The following PCDH15 variants were observed in gnomAD, a reference collection of about 807,000 sequenced individuals.
The protein encoded by PCDH15 is protocadherin-15.
PCDH15 carries 129 observed loss-of-function variants against 178.5 expected under a neutral mutation model. The ratio of observed to expected loss-of-function variants is 0.72; its 90% CI spans 0.63 to 0.84. The LOEUF is 0.84. PCDH15 is among the 40% of genes least tolerant of loss of function. The pLI is 0.00. For synonymous variants in PCDH15, 800 were observed against 732.0 expected (o/e 1.09, Z -1.50); for missense variants, 2,230 against 2,099.9 (o/e 1.06, Z -1.21).
At chr10:54,698,975 C>T (rs2095271783) in intron 1 of PCDH15, among the ~76,000 whole-genome samples, 1 of 152,062 alleles carries the variant, frequency 6.6e-6, no homozygotes, top group Admixed American at 6.6e-5. Context: ...TTGTCTTTCA[C>T]ATTTAAAAGG....
At chr10:55,445,754 T>C (rs1265320703) in intron 2 of PCDH15, among the ~76,000 whole-genome samples, 3 of 152,128 alleles carry the variant, frequency 2.0e-5, no homozygotes, top group African/African-American at 4.8e-5. Flanking sequence ...GCATCAGATG[T>C]AGGTAGGTGA....
chr10:53,856,304 T>C (rs1190599339), intron 28 of PCDH15, among the ~76,000 whole-genome samples: 1 of 151,970 alleles, frequency 6.6e-6, no homozygotes, highest in Non-Finnish European at 1.5e-5. Context: ...ATAGTAAAGA[T>C]ATTTTAAACA....
intron 8 of PCDH15, among the ~76,000 whole-genome samples, chr10:54,284,393 C>A (rs1403955361): frequency 1.3e-5 from 2 of 152,070 alleles, no homozygotes; most frequent in Non-Finnish European, 1.5e-5. Flanking sequence ...ATTTATACTC[C>A]ATTTATTCTT....
chr10:55,211,340 T>C (rs918927713), intron 1 of PCDH15, among the ~76,000 whole-genome samples: 8 of 152,178 alleles, frequency 5.3e-5, no homozygotes, highest in Non-Finnish European at 1.5e-5. Flanking sequence ...TATAATTGAT[T>C]AGCAACTGAG....
At chr10:53,834,520 T>G (rs1330459317) in intron 29 of PCDH15, among the ~76,000 whole-genome samples, 7 of 102,082 alleles carry the variant, frequency 6.9e-5, no homozygotes, top group African/African-American at 1.0e-4. Context: ...AGAAATGTGT[T>G]TTTTTTTTTT....
chr10:54,269,798 T>C (rs1264242627), intron 8 of PCDH15, among the ~76,000 whole-genome samples: 1 of 151,912 alleles, frequency 6.6e-6, no homozygotes, highest in African/African-American at 2.4e-5. Context: ...TTCTCTGTTT[T>C]AAGTGTAACA....
chr10:55,325,956 C>T (rs2132304599), intron 2 of PCDH15, among the ~76,000 whole-genome samples: 1 of 152,062 alleles, frequency 6.6e-6, no homozygotes, highest in South Asian at 2.1e-4. Context: ...CAAAAGAAGA[C>T]ATACGTGCAG....
At chr10:54,913,584 G>A (rs143880061) in intron 2 of PCDH15, among the ~76,000 whole-genome samples, 109 of 152,326 alleles carry the variant, frequency 7.2e-4, no homozygotes, top group African/African-American at 2.5e-3. Context: ...GCTTGGTGAA[G>A]CTGTGAGAAG....
chr10:55,014,639 C>T (rs934848757), intron 2 of PCDH15, among the ~76,000 whole-genome samples: 3 of 152,004 alleles, frequency 2.0e-5, no homozygotes, highest in African/African-American at 4.8e-5. Context: ...CAATGCAAAA[C>T]GTATAGTCTT....
intron 9 of PCDH15, among the ~76,000 whole-genome samples, chr10:54,230,450 T>C (rs1356978916): frequency 6.6e-6 from 1 of 152,292 alleles, no homozygotes; most frequent in African/African-American, 2.4e-5. Flanking sequence ...AAATGAAATA[T>C]GGTAACTGTG....
chr10:53,859,035 C>T (rs1485788131), intron 27 of PCDH15, among the ~76,000 whole-genome samples: 1 of 151,624 alleles, frequency 6.6e-6, no homozygotes, highest in East Asian at 1.9e-4. Flanking sequence ...CCCTCTCCTC[C>T]TTTTTTTCTT....
chr10:54,712,361 T>C (rs1057076259), intron 1 of PCDH15, among the ~76,000 whole-genome samples: 1 of 151,740 alleles, frequency 6.6e-6, no homozygotes, highest in Non-Finnish European at 1.5e-5. Flanking sequence ...TTAAAAGAGA[T>C]TTAAAAAATC....
intron 3 of PCDH15, among the ~76,000 whole-genome samples, chr10:54,458,417 T>C (rs1214062136): frequency 3.3e-5 from 5 of 152,160 alleles, no homozygotes; most frequent in African/African-American, 1.2e-4. Flanking sequence ...TTTAACTTAA[T>C]GGCAGTTATC....
intron 26 of PCDH15, among the ~76,000 whole-genome samples, chr10:53,890,448 C>A (rs1046650593): frequency 3.3e-5 from 5 of 152,082 alleles, no homozygotes; most frequent in South Asian, 4.2e-4. Context: ...CAAAAAAATT[C>A]TTTTGATATC....
intron 15 of PCDH15, among the ~76,000 whole-genome samples, chr10:54,122,002 T>TACACAC (rs57135050): frequency 1.2e-4 from 17 of 146,510 alleles, no homozygotes; most frequent in African/African-American, 2.5e-4. Flanking sequence ...CAAAGACACA[T>TACACAC]ACACACACAC....
chr10:55,547,407 G>A (rs1005379340), intron 2 of PCDH15, among the ~76,000 whole-genome samples: 11 of 152,094 alleles, frequency 7.2e-5, no homozygotes, highest in Admixed American at 2.0e-4. Flanking sequence ...GTTCTGACAT[G>A]GCATATTGGA....
chr10:54,306,928 G>A (rs2060506392), intron 8 of PCDH15, among the ~76,000 whole-genome samples: 1 of 148,234 alleles, frequency 6.7e-6, no homozygotes, highest in Non-Finnish European at 1.5e-5. Context: ...AGTATATTCT[G>A]TGAGGCCACA....
At chr10:54,647,656 T>C (rs1292183433) in intron 2 of PCDH15, among the ~76,000 whole-genome samples, 1 of 152,064 alleles carries the variant, frequency 6.6e-6, no homozygotes. Context: ...TGTTTCCACA[T>C]CTGAAAAACA....
chr10:54,341,379 C>A (rs1942194625), intron 6 of PCDH15, among the ~76,000 whole-genome samples: 1 of 152,128 alleles, frequency 6.6e-6, no homozygotes, highest in South Asian at 2.1e-4. Context: ...CTCTTTCTGC[C>A]TCCTGCTGCA....
Sources: allele counts gnomAD v4.1 joint callset (sites outside exome capture counted in the v4.1 genomes callset), GRCh38; gene constraint gnomAD v4.1.1; transcripts MANE v1.5; gene names NCBI Gene and HGNC (gene_info 2026-07-23, HGNC 2026-07-21).